Variants in TACC2 observed in about 807,000 individuals in gnomAD.
The protein encoded by TACC2 is transforming acidic coiled-coil-containing protein 2.
Under a neutral mutation model 227.3 loss-of-function variants are expected in TACC2, and 137 were observed. That is an observed-to-expected ratio of 0.60 (90% confidence interval 0.52 to 0.69). The LOEUF is 0.69. Among genes scored for constraint, TACC2 ranks in the 30% least tolerant of loss-of-function variants. The pLI, the probability that TACC2 is intolerant of heterozygous loss-of-function variation, is 0.00. For synonymous variants in TACC2, 1,523 were observed against 1,487.5 expected (o/e 1.02, Z -0.55); for missense variants, 3,470 against 3,694.4 (o/e 0.94, Z 1.57).
At chr10:122,226,305 A>G (rs887556558) in intron 12 of TACC2, 61 bp from the exon 13 acceptor site, 10 of 1,141,536 alleles carry the variant, frequency 8.8e-6, no homozygotes, top group African/African-American at 3.1e-5. Flanking sequence ...TCCAGTTTTC[A>G]TCTCCGTTGC....
At position 122,025,803 on chromosome 10, in the gene TACC2, T is replaced by C. The variant is rs1957922539; in HGVS notation, c.33+3789T>C. On this transcript the variant is annotated intron_variant, in intron 2 of 22. Coordinates refer to ENST00000369005, the MANE Select transcript of TACC2 (RefSeq NM_206862.4). ...GTTAGCCAGGATGCTCTCAATCTCCTGACCTCGTGATCCACCCGCCTCGGC... is the reference window on the plus strand; with the variant it reads ...GTTAGCCAGGATGCTCTCAATCTCCCGACCTCGTGATCCACCCGCCTCGGC... Among the ~76,000 whole-genome samples, 7 of 150,778 alleles carry C rather than the reference T, an allele frequency of 4.6e-5. No individual in the cohort carries two copies. In the South Asian group the frequency reaches 1.5e-3, roughly 32 times the overall value.
At chr10:122,057,452 C>T (rs556410002) in intron 3 of TACC2, among the ~76,000 whole-genome samples, 2 of 151,976 alleles carry the variant, frequency 1.3e-5, no homozygotes, top group Non-Finnish European at 2.9e-5. Flanking sequence ...AAATCCTAAG[C>T]CCCCCATCCA....
chr10:122,054,957 C>T (rs12261650), intron 3 of TACC2, among the ~76,000 whole-genome samples: 30,530 of 152,046 alleles, frequency 0.2, 3,193 homozygotes, highest in East Asian at 0.32. Flanking sequence ...TGGTGGCTCA[C>T]GTCTGTAATC....
At chr10:122,116,207 A>G (rs2084669353) in intron 5 of TACC2, among the ~76,000 whole-genome samples, 1 of 152,192 alleles carries the variant, frequency 6.6e-6, no homozygotes, top group African/African-American at 2.4e-5. Flanking sequence ...GGAGCAAGTG[A>G]AATTCTCCAG....
chr10:122,236,518 C>T (rs1451080852), intron 16 of TACC2, among the ~76,000 whole-genome samples: 1 of 152,208 alleles, frequency 6.6e-6, no homozygotes, highest in Non-Finnish European at 1.5e-5. Context: ...AGTGATGCTG[C>T]TAACACCGCA....
At chr10:122,133,617 T>G (rs115582402) in intron 6 of TACC2, among the ~76,000 whole-genome samples, 2,478 of 152,300 alleles carry the variant, frequency 0.016, 67 homozygotes, top group African/African-American at 0.056. Flanking sequence ...TATTGCACAG[T>G]GCTGGGGAAG....
rs746257984 is a variant in TACC2, at chr10:122,026,160, TCCA to T, written c.33+4147_33+4149del. ...GGTGAAACCCCGTCTCTACTAAAAATCCAAAAAAAAAAAAAAAATTAGCCGGGC... is the reference window on the plus strand; with the variant it reads ...GGTGAAACCCCGTCTCTACTAAAAATAAAAAAAAAAAAAAATTAGCCGGGC... On this transcript the variant is annotated intron_variant, in intron 2 of 22. Transcript: ENST00000369005. Among the ~76,000 whole-genome samples the T allele has an allele frequency of 9.1e-3, 889 of 97,754 alleles. 12 individuals are homozygous for T. The highest frequency in any genetic ancestry group is 0.026 in the African/African-American group (810 of 31,036). 64.1% of individuals were successfully genotyped at this position (97,754 alleles called of 152,430 possible).
At chr10:122,202,013 CTTTTTTTTT>C (rs767544440) in intron 8 of TACC2, among the ~76,000 whole-genome samples, 1 of 102,370 alleles carries the variant, frequency 9.8e-6, no homozygotes, top group Non-Finnish European at 2.1e-5. Context: ...TCTTCTTTAG[CTTTTTTTTT>C]TTTTTTTTTT....
chr10:122,067,343 C>A (rs140699586), intron 3 of TACC2, among the ~76,000 whole-genome samples: 1,560 of 152,166 alleles, frequency 0.01, 82 homozygotes, highest in Admixed American at 0.086. Flanking sequence ...TCTTTCAACA[C>A]TTTAAAGATA....
chr10:122,183,243 G>T (rs11200457), intron 7 of TACC2, among the ~76,000 whole-genome samples: 11,998 of 151,696 alleles, frequency 0.079, 1,390 homozygotes, highest in African/African-American at 0.26. Flanking sequence ...ACAACAGGGG[G>T]TGGGGGCTTA....
chr10:122,083,408 A>T lies in TACC2; in HGVS notation c.908A>T (p.Asp303Val). Residue 303 changes from aspartate to valine, a missense_variant, in exon 4 of 23, where the codon GAC becomes GTC. Physicochemically the swap from Asp to Val is radical, Grantham distance 152. Transcript: ENST00000369005. The stretch of plus-strand genomic sequence containing the variant: ...GCGCCGCCTCAGTATTTAACAGATG[A>T]CTTGGAATTCCTCAGGGCCTGCCAT... ...GEAPPQYLTD[D>V]LEFLRACHLP... 1 of 1,613,736 alleles carries T rather than the reference A, an allele frequency of 6.2e-7. No individual in the cohort carries two copies. The highest frequency in any genetic ancestry group is 8.5e-7 in the Non-Finnish European group (1 of 1,180,016).
In TACC2 at chr10:122,233,203, G is replaced by A. The variant is rs557747026; in HGVS notation, c.8127+2763G>A. ...TCCTTCCACATCCTTCTGGTCAAACGGAATTTGGTTGTGTCCTCCTGGGAG... is the reference window on the plus strand; with the variant it reads ...TCCTTCCACATCCTTCTGGTCAAACAGAATTTGGTTGTGTCCTCCTGGGAG... On this transcript the variant is annotated intron_variant, in intron 16 of 22. Transcript: ENST00000369005. 2.7e-4 allele frequency among the ~76,000 whole-genome samples: 41 copies of A among 152,272 alleles called. 1 individual carries two copies. In the South Asian group the frequency reaches 7.1e-3, roughly 26 times the overall value.
At chr10:122,054,736 T>A (rs1326690645) in intron 3 of TACC2, among the ~76,000 whole-genome samples, 1 of 152,128 alleles carries the variant, frequency 6.6e-6, no homozygotes, top group African/African-American at 2.4e-5. Context: ...CTTGAGTGAT[T>A]TCTAGCTGAA....
chr10:122,244,082 G>A (rs1047617373), intron 19 of TACC2, among the ~76,000 whole-genome samples: 1 of 152,134 alleles, frequency 6.6e-6, no homozygotes, highest in African/African-American at 2.4e-5. Flanking sequence ...TTCAATCCTA[G>A]GCAGTGTGAG....
In TACC2 at chr10:122,210,919, G is replaced by C. The variant is rs1250514618; in HGVS notation, c.6494G>C (p.Ser2165Thr). Residue 2165 changes from serine (S) to threonine (T), a missense_variant, in exon 9 of 23, where the codon AGT (serine) becomes ACT (threonine). Physicochemically the swap from Ser to Thr is moderately conservative, Grantham distance 58. Transcript: ENST00000369005. This position sits in a 1 kb window ranked among gnomAD's most constrained non-coding sequence, Gnocchi z 4.6. ...CCAGATGAAGAGAGCCTTGTCCCCA[G>C]TGGGGAGAATCTAGCATCTGAGACG... ...QEPDEESLVP[S>T]GENLASETKT... 1.2e-6 allele frequency: 2 copies of C among 1,613,786 alleles called. No individual in the cohort carries two copies. The highest frequency in any genetic ancestry group is 3.3e-5 in the Admixed American group (2 of 59,990).
chr10:122,102,091 C>T (rs114488121), intron 5 of TACC2, among the ~76,000 whole-genome samples: 198 of 152,128 alleles, frequency 1.3e-3, no homozygotes, highest in African/African-American at 4.7e-3. Context: ...TACTGTGTGA[C>T]GCTTCACCCG....
At chr10:122,192,984 A>C (rs1402705541) in intron 7 of TACC2, among the ~76,000 whole-genome samples, 1 of 152,178 alleles carries the variant, frequency 6.6e-6, no homozygotes, top group Non-Finnish European at 1.5e-5. Flanking sequence ...ACCGATAAAC[A>C]GATGCTTCAG....
chr10:122,098,792 G>A (rs534522180), intron 5 of TACC2, among the ~76,000 whole-genome samples: 2 of 152,252 alleles, frequency 1.3e-5, no homozygotes, highest in Admixed American at 6.5e-5. Context: ...TAGAGTTCAC[G>A]TACATCTGGC....
At position 122,119,720 on chromosome 10, in the gene TACC2, C is replaced by T. The variant is rs187819089; in HGVS notation, c.5574-12889C>T. On this transcript the variant is annotated intron_variant, in intron 5 of 22. Transcript: ENST00000369005. ...CCAAAGGTCAGGAGTTCAAGACCAGCCTGGCCAACATGGCAAAACCCTGTT... is the reference window on the plus strand; with the variant it reads ...CCAAAGGTCAGGAGTTCAAGACCAGTCTGGCCAACATGGCAAAACCCTGTT... 2.0e-5 allele frequency among the ~76,000 whole-genome samples: 3 copies of T among 152,250 alleles called. No homozygotes were observed. The East Asian group carries it at 5.8e-4, about 29-fold the overall frequency.
Sources: allele counts gnomAD v4.1 joint callset (sites outside exome capture counted in the v4.1 genomes callset), GRCh38; gene constraint gnomAD v4.1.1; non-coding constraint Gnocchi (gnomAD v3.1); transcripts MANE v1.5; gene names NCBI Gene and HGNC (gene_info 2026-07-23, HGNC 2026-07-21).